The following PDCD6IP variants were observed in gnomAD, a reference collection of about 807,000 sequenced individuals.
PDCD6IP encodes the protein programmed cell death 6 interacting protein.
Under a neutral mutation model 103.7 loss-of-function variants are expected in PDCD6IP, and 43 were observed. The ratio of observed to expected loss-of-function variants is 0.41; its 90% confidence interval spans 0.32 to 0.53. The LOEUF is 0.53. PDCD6IP is among the 20% of genes least tolerant of loss of function. The pLI is 0.16. For synonymous variants in PDCD6IP, 354 were observed against 378.7 expected, an observed-to-expected ratio of 0.93 and a Z score of 0.76; for missense variants, 871 against 1,036.7, an observed-to-expected ratio of 0.84 and a Z score of 2.20.
intron 15 of PDCD6IP, among the ~76,000 whole-genome samples, chr3:33,858,800 ACT>A (rs1199184837): frequency 6.6e-6 from 1 of 152,198 alleles, no homozygotes. Flanking sequence ...ACAGAGTGAG[ACT>A]CTGTCTCAAA....
intron 13 of PDCD6IP, among the ~76,000 whole-genome samples, chr3:33,852,996 T>G (rs1249285080): frequency 6.6e-6 from 1 of 150,812 alleles, no homozygotes; most frequent in Non-Finnish European, 1.5e-5. Flanking sequence ...CGATCTTGGC[T>G]CACTGCAAGC....
At position 33,867,841 on chromosome 3, in the gene PDCD6IP, G is replaced by C. The variant is rs983323202; in HGVS notation, c.*1316G>C. On this transcript the variant is annotated 3_prime_UTR_variant, in exon 18 of 18. Transcript: ENST00000307296. ...TTATGTTTATTTTCTGAGTTTCAAC[G>C]CTGACCTTTTCTTGCATTATTGTTT... 1 of 152,110 alleles carries C rather than the reference G, an allele frequency of 6.6e-6. No individual in the cohort carries two copies. The highest frequency in any genetic ancestry group is 6.5e-5 in the Admixed American group (1 of 15,270). 9.4% of individuals were successfully genotyped at this position (152,110 alleles called of 1,614,324 possible). A position where few individuals can be genotyped will look rare whatever the true frequency, so the allele number is the denominator to read the frequency against.
At chr3:33,802,760 G>A (rs535177646) in intron 1 of PDCD6IP, among the ~76,000 whole-genome samples, 11 of 152,158 alleles carry the variant, frequency 7.2e-5, no homozygotes, top group South Asian at 2.1e-4. Flanking sequence ...AAAGTGCTGG[G>A]ATTACAGGCG....
intron 5 of PDCD6IP, 36 bp downstream of exon 5, chr3:33,825,376 A>G (rs12488699): frequency 0.28 from 424,070 of 1,539,664 alleles, 60,787 homozygotes; most frequent in Admixed American, 0.45. Context: ...CATGTGAAAA[A>G]AAGTGATAAG....
intron 3 of PDCD6IP, among the ~76,000 whole-genome samples, chr3:33,819,614 A>G (rs573136718): frequency 6.6e-6 from 1 of 152,332 alleles, no homozygotes; most frequent in South Asian, 2.1e-4. Flanking sequence ...GGAGGCCACC[A>G]AAGTACTGTA....
At chr3:33,854,372 C>T (rs746920513) in intron 14 of PDCD6IP, among the ~76,000 whole-genome samples, 7 of 151,700 alleles carry the variant, frequency 4.6e-5, no homozygotes, top group East Asian at 1.9e-4. Context: ...GATGGAAAAG[C>T]GGAGGGGCAT....
chr3:33,826,458 T>A (rs764633612), intron 5 of PDCD6IP, 22 bp from the exon 6 acceptor site: 4 of 1,528,868 alleles, frequency 2.6e-6, no homozygotes, highest in Non-Finnish European at 2.7e-6. Flanking sequence ...ATTTTAATTA[T>A]AATGGTCATA....
At chr3:33,814,858 ATATATG>A (rs1359003433) in intron 3 of PDCD6IP, among the ~76,000 whole-genome samples, 1 of 145,442 alleles carries the variant, frequency 6.9e-6, no homozygotes, top group African/African-American at 2.5e-5. Flanking sequence ...ATTCATATAC[ATATATG>A]TATATACATA....
intron 7 of PDCD6IP, among the ~76,000 whole-genome samples, chr3:33,833,847 G>A (rs1006759818): frequency 1.3e-5 from 2 of 152,096 alleles, no homozygotes; most frequent in African/African-American, 2.4e-5. Flanking sequence ...GGGTTCCTGT[G>A]CAGGGAAATG....
chr3:33,811,906 T>C (rs962460514), intron 1 of PDCD6IP, among the ~76,000 whole-genome samples, 166 bp from the exon 2 acceptor site: 2 of 152,244 alleles, frequency 1.3e-5, no homozygotes, highest in Non-Finnish European at 2.9e-5. Flanking sequence ...TTTCACTGCA[T>C]ATATTTTTTA....
intron 3 of PDCD6IP, among the ~76,000 whole-genome samples, chr3:33,821,613 A>G (rs549699789): frequency 5.7e-4 from 87 of 152,318 alleles, no homozygotes; most frequent in Non-Finnish European, 1.0e-3. Context: ...GGTGACAGAA[A>G]AATGGAAATA....
chr3:33,833,844 T>C (rs1697290659), intron 7 of PDCD6IP, among the ~76,000 whole-genome samples: 1 of 152,168 alleles, frequency 6.6e-6, no homozygotes, highest in African/African-American at 2.4e-5. Context: ...TGGGGGTTCC[T>C]GTGCAGGGAA....
At position 33,853,974 on chromosome 3, in the gene PDCD6IP, C is replaced by T. The variant is rs139023972; in HGVS notation, c.1986C>T (p.Asn662=). ...VLKNLATAYD[N]FVELVANLKE... The stretch of plus-strand genomic sequence containing the variant: ...AGAATTTAGCTACTGCATATGACAA[C>T]TTTGTTGAACTTGTAGCTAATTTGA... The change falls in exon 14 of 18, where the codon AAC becomes AAT. Residue 662 remains asparagine, a synonymous_variant. Transcript: ENST00000307296. The T allele has an allele frequency of 1.6e-5, 26 of 1,584,474 alleles. No homozygotes were observed. The highest frequency in any genetic ancestry group is 2.0e-5 in the Non-Finnish European group (23 of 1,170,508).
chr3:33,816,541 A>G (rs993306699), intron 3 of PDCD6IP, among the ~76,000 whole-genome samples: 10 of 149,016 alleles, frequency 6.7e-5, no homozygotes, highest in African/African-American at 2.5e-4. Context: ...AAATATCTCC[A>G]GGTGATTCTG....
intron 12 of PDCD6IP, among the ~76,000 whole-genome samples, chr3:33,848,914 A>G (rs1697655945): frequency 6.6e-6 from 1 of 152,214 alleles, no homozygotes; most frequent in Non-Finnish European, 1.5e-5. Flanking sequence ...GCTGAAAAAA[A>G]GTCAAAAGAA....
At chr3:33,831,762 C>T (rs73826773) in intron 7 of PDCD6IP, among the ~76,000 whole-genome samples, 8,615 of 139,696 alleles carry the variant, frequency 0.062, 786 homozygotes, top group African/African-American at 0.21. Context: ...TATACATAGA[C>T]AGCACACACA....
At chr3:33,817,973 CAAAAT>C (rs962560688) in intron 3 of PDCD6IP, among the ~76,000 whole-genome samples, 14 of 150,298 alleles carry the variant, frequency 9.3e-5, no homozygotes, top group Admixed American at 4.0e-4. Flanking sequence ...GACAAATTGT[CAAAAT>C]AAAATGAGAG....
At chr3:33,800,117 C>T (rs1384600520) in intron 1 of PDCD6IP, among the ~76,000 whole-genome samples, 1 of 73,030 alleles carries the variant, frequency 1.4e-5, no homozygotes, top group African/African-American at 6.8e-5. Context: ...GAGACTCCAT[C>T]TCAAAAAAAA....
rs777175558 is a variant in PDCD6IP at position 33,845,454 on chromosome 3, G to A, written c.1507G>A (p.Val503Met). Residue 503 changes from valine (V) to methionine (M), a missense_variant, in exon 12 of 18, where the codon GTG becomes ATG. Physicochemically the swap from Val to Met is conservative, Grantham distance 21. Coordinates refer to ENST00000307296, the MANE Select transcript of PDCD6IP (RefSeq NM_013374.6). The stretch of plus-strand genomic sequence containing the variant: ...CTTCAGAACAGTTTTAGATAAAGCT[G>A]TGCAGGCAGATGGACAAGTGAAAGA... ...TNFRTVLDKA[V>M]QADGQVKECY... The A allele has an allele frequency of 2.5e-6, 4 of 1,614,004 alleles. No individual in the cohort carries two copies. Among genetic ancestry groups the A allele is most frequent in the Non-Finnish European group, 3.4e-6 (4 of 1,179,906 alleles).
Sources: gnomAD v4.1 joint callset for allele counts (sites outside exome capture counted in the v4.1 genomes callset) on GRCh38, gnomAD v4.1.1 for gene constraint, MANE v1.5 for transcripts, NCBI Gene and HGNC (gene_info 2026-07-23, HGNC 2026-07-21) for gene names.